Variants in COX7B2 observed in about 807,000 individuals in gnomAD.
The protein encoded by COX7B2 is cytochrome c oxidase subunit 7B2, mitochondrial.
For missense variants in COX7B2, 109 were observed against 95.9 expected, an observed-to-expected ratio of 1.14 and a Z score of -0.57; for synonymous variants, 37 against 32.1, an observed-to-expected ratio of 1.15 and a Z score of -0.51.
chr4:46,750,450 A>G (rs1024774830), intron 2 of COX7B2, among the ~76,000 whole-genome samples: 35 of 152,136 alleles, frequency 2.3e-4, no homozygotes, highest in Admixed American at 1.6e-3. Context: ...ACATGTATAT[A>G]TGATTATAAT....
chr4:46,905,152 G>GTT (rs386399993), intron 1 of COX7B2, among the ~76,000 whole-genome samples: 45 of 148,130 alleles, frequency 3.0e-4, no homozygotes, highest in South Asian at 2.6e-3. Flanking sequence ...TATTATACAA[G>GTT]TTTTTTTTTT....
At chr4:46,863,874 A>T (rs1240640911) in intron 1 of COX7B2, among the ~76,000 whole-genome samples, 3 of 152,142 alleles carry the variant, frequency 2.0e-5, no homozygotes, top group Admixed American at 1.3e-4. Context: ...TAGATTGCTT[A>T]AAAAAAGTTT....
At chr4:46,843,479 T>C (rs1275398157) in intron 2 of COX7B2, among the ~76,000 whole-genome samples, 1 of 152,000 alleles carries the variant, frequency 6.6e-6, no homozygotes, top group African/African-American at 2.4e-5. Context: ...AAAGCTGGGA[T>C]TCAAACACAG....
At position 46,825,582 on chromosome 4, in the gene COX7B2, C is replaced by T. The variant is rs1279392644; in HGVS notation, c.-50+19378G>A. 2.6e-5 allele frequency among the ~76,000 whole-genome samples: 4 copies of T among 152,216 alleles called. No homozygotes were observed. The South Asian group carries it at 8.3e-4, about 32-fold the overall frequency. On this transcript the variant is annotated intron_variant, in intron 2 of 2. Coordinates refer to ENST00000355591, the MANE Select transcript of COX7B2 (RefSeq NM_130902.3). ...AAGAGCTCCCATAGCCAAGACAATC[C>T]TAAGCAAAAGGAACAAAGCTGGAGG... is the stretch of plus-strand genomic sequence containing the variant.
intron 1 of COX7B2, among the ~76,000 whole-genome samples, chr4:46,852,563 T>TACACACACACACACAC (rs113148039): frequency 1.4e-5 from 2 of 145,790 alleles, no homozygotes; most frequent in African/African-American, 5.0e-5. Context: ...AATACACAAA[T>TACACACACACACACAC]ACACACACAC....
intron 2 of COX7B2, among the ~76,000 whole-genome samples, chr4:46,754,520 A>G (rs1343019249): frequency 3.1e-5 from 3 of 98,238 alleles, no homozygotes; most frequent in Non-Finnish European, 5.5e-5. Context: ...CAATGAGAAC[A>G]CTTGGACACA....
rs1358664810 is a variant in COX7B2 at position 46,842,448 on chromosome 4, C to G, written c.-50+2512G>C. On this transcript the variant is annotated intron_variant, in intron 2 of 2. Coordinates refer to ENST00000355591, the MANE Select transcript of COX7B2 (RefSeq NM_130902.3). ...TAAGTTTTAGGGTACATGTGCACAA[C>G]TTGCAGGTTTGTTACATATGTATAC... is the stretch of plus-strand genomic sequence containing the variant. 1.3e-5 allele frequency among the ~76,000 whole-genome samples: 2 copies of G among 151,894 alleles called. 1 individual carries two copies. The highest frequency in any genetic ancestry group is 2.9e-5 in the Non-Finnish European group (2 of 67,928).
intron 1 of COX7B2, among the ~76,000 whole-genome samples, chr4:46,858,129 T>A (rs1717109832): frequency 6.6e-6 from 1 of 152,176 alleles, no homozygotes; most frequent in African/African-American, 2.4e-5. Flanking sequence ...GGAATCTCAC[T>A]CTAACCCAGG....
chr4:46,767,465 A>G (rs1457058572), intron 2 of COX7B2, among the ~76,000 whole-genome samples: 1 of 152,202 alleles, frequency 6.6e-6, no homozygotes, highest in African/African-American at 2.4e-5. Context: ...AAACATCAAT[A>G]AAGAAATATG....
At chr4:46,857,860 T>C (rs1444652707) in intron 1 of COX7B2, among the ~76,000 whole-genome samples, 1 of 152,174 alleles carries the variant, frequency 6.6e-6, no homozygotes, top group Non-Finnish European at 1.5e-5. Flanking sequence ...TAAGAGCTTT[T>C]TTGTGTTGTT....
intron 2 of COX7B2, among the ~76,000 whole-genome samples, chr4:46,762,003 T>C (rs1415673483): frequency 6.6e-6 from 1 of 151,530 alleles, no homozygotes; most frequent in Non-Finnish European, 1.5e-5. Context: ...ATCTCATAAA[T>C]GCTAGTGTCA....
chr4:46,773,312 TAGTG>T (rs1716981603), intron 2 of COX7B2, among the ~76,000 whole-genome samples: 1 of 152,090 alleles, frequency 6.6e-6, no homozygotes, highest in African/African-American at 2.4e-5. Context: ...ATGCTGCTGT[TAGTG>T]AGTGAGTTCT....
intron 2 of COX7B2, among the ~76,000 whole-genome samples, chr4:46,775,359 C>T (rs186071264): frequency 6.6e-5 from 10 of 152,120 alleles, no homozygotes; most frequent in Admixed American, 5.2e-4. Context: ...GGTGTTGTAA[C>T]AAAATTGCAA....
intron 2 of COX7B2, 39 bp from the exon 3 acceptor site, chr4:46,735,280 T>G (rs1174219403): frequency 2.8e-6 from 4 of 1,447,316 alleles, no homozygotes; most frequent in Admixed American, 2.0e-5. Flanking sequence ...TGTCCAATCT[T>G]TATTCAATTC....
intron 2 of COX7B2, among the ~76,000 whole-genome samples, chr4:46,794,482 C>T (rs963061301): frequency 6.6e-6 from 1 of 152,086 alleles, no homozygotes; most frequent in African/African-American, 2.4e-5. Flanking sequence ...GACCTACTCA[C>T]CCATACTGAG....
In COX7B2 at chr4:46,863,094, C is replaced by T. The variant is rs4695178; in HGVS notation, c.-104-18080G>A. 5.5e-3 allele frequency among the ~76,000 whole-genome samples: 829 copies of T among 151,858 alleles called. 7 individuals are homozygous for T. Among genetic ancestry groups the T allele is most frequent in the African/African-American group, 0.019 (770 of 41,434 alleles). On this transcript the variant is annotated intron_variant, in intron 1 of 2. Coordinates refer to ENST00000355591, the MANE Select transcript of COX7B2 (RefSeq NM_130902.3). ...TGTGCCAAAGAATATGCCTTTTTAT[C>T]GAGAAAAAGAATAACTTTGTCTAAT...
At chr4:46,763,342 A>T (rs1716339638) in intron 2 of COX7B2, among the ~76,000 whole-genome samples, 1 of 149,442 alleles carries the variant, frequency 6.7e-6, no homozygotes, top group African/African-American at 2.5e-5. Context: ...TTCTTTTCTC[A>T]TGTTTGTGTA....
intron 1 of COX7B2, among the ~76,000 whole-genome samples, chr4:46,891,882 T>C (rs1719450152): frequency 6.6e-6 from 1 of 152,160 alleles, no homozygotes; most frequent in Non-Finnish European, 1.5e-5. Flanking sequence ...GAAGAGAAAA[T>C]GAGCCTCAGA....
intron 2 of COX7B2, among the ~76,000 whole-genome samples, chr4:46,826,494 T>G (rs1385820722): frequency 6.6e-6 from 1 of 152,072 alleles, no homozygotes; most frequent in African/African-American, 2.4e-5. Flanking sequence ...GGAAATACCA[T>G]TCGACCCAAC....
Sources: allele counts gnomAD v4.1 joint callset (sites outside exome capture counted in the v4.1 genomes callset), GRCh38; gene constraint gnomAD v4.1.1; transcripts MANE v1.5; gene names NCBI Gene and HGNC (gene_info 2026-07-23, HGNC 2026-07-21).